The following CTNND1 variants were observed in gnomAD, a reference collection of about 807,000 sequenced individuals.
The protein encoded by CTNND1 is catenin delta-1.
A neutral mutation model predicts 112.1 loss-of-function variants in CTNND1; 16 were observed. That is an observed-to-expected ratio of 0.14 (90% CI 0.10 to 0.22). The LOEUF is 0.22. Ranked by LOEUF, CTNND1 falls within the 10% of genes least tolerant of loss-of-function variation. CTNND1 has a pLI of 1.00. For synonymous variants in CTNND1, 420 were observed against 446.5 expected, an observed-to-expected ratio of 0.94 and a Z score of 0.75; for missense variants, 1,008 against 1,257.0, an observed-to-expected ratio of 0.80 and a Z score of 3.00.
rs538862171 is a variant in CTNND1 at position 57,762,768 on chromosome 11, C to T, written c.-214+649C>T. Among the ~76,000 whole-genome samples, 5 of 152,296 alleles carry T rather than the reference C, an allele frequency of 3.3e-5. No homozygotes were observed. In the South Asian group the frequency reaches 8.3e-4, roughly 25 times the overall value. ...ACCATGTTAACTGAATTGCCATCTC[C>T]TTCTTCCTTCTAAACTACCTTTGAT... On this transcript the variant is annotated intron_variant, in intron 1 of 20. Transcript: ENST00000399050.
chr11:57,812,365 C>T (rs537245034), intron 17 of CTNND1, among the ~76,000 whole-genome samples: 1 of 152,110 alleles, frequency 6.6e-6, no homozygotes, highest in East Asian at 1.9e-4. Flanking sequence ...ACTAAAAATA[C>T]AAAAATTAGC....
In CTNND1 at chr11:57,790,529, C is replaced by T. The variant is rs116695324; in HGVS notation, c.-94-856C>T. Among the ~76,000 whole-genome samples the T allele has an allele frequency of 4.5e-3, 661 of 146,166 alleles. 11 individuals carry two copies. Among genetic ancestry groups the T allele is most frequent in the African/African-American group, 0.016 (628 of 39,368 alleles). ...GATTATAGGAGTACGCCACCACACC[C>T]GGCTAATTTTGTCTGTGTGTGTGTT... On this transcript the variant is annotated intron_variant, in intron 2 of 20. Transcript: ENST00000399050.
At chr11:57,789,298 GGA>G (rs1307094021) in intron 2 of CTNND1, 143 bp downstream of exon 2, 2 of 546,736 alleles carry the variant, frequency 3.7e-6, no homozygotes, top group Non-Finnish European at 6.2e-6. Context: ...TGGGAATTGG[GGA>G]GAATATTTAT....
chr11:57,808,251 T>G lies in CTNND1; in HGVS notation c.2050T>G (p.Ser684Ala). 6.2e-7 allele frequency: 1 copy of G among 1,613,960 alleles called. No homozygotes were observed. The highest frequency in any genetic ancestry group is 8.5e-7 in the Non-Finnish European group (1 of 1,179,810). ...ESKTPAILEA[S>A]AGAIQNLCAG... ...CAAGACTCCTGCCATCCTAGAAGCC[T>G]CAGCTGGAGCTATCCAGAACTTGTG... Residue 684 changes from serine (S) to alanine (A), a missense_variant, in exon 13 of 21, where the codon TCA (serine) becomes GCA (alanine). Physicochemically the swap from Ser to Ala is moderately conservative, Grantham distance 99. This residue lies in a region of CTNND1 where 254 missense variants were observed against 279.5 expected (regional missense o/e 0.91). Coordinates refer to ENST00000399050, the MANE Select transcript of CTNND1 (RefSeq NM_001085458.2).
chr11:57,808,601 G>A (rs77961989), intron 14 of CTNND1, 61 bp downstream of exon 14: 2 of 1,423,242 alleles, frequency 1.4e-6, no homozygotes, highest in Non-Finnish European at 1.9e-6. Context: ...AGTCCAGCAG[G>A]TGCCTAATAA....
rs149813159 is a variant in CTNND1, at chr11:57,804,421, A to C, written c.1605-242A>C. Among the ~76,000 whole-genome samples the C allele has an allele frequency of 4.2e-3, 645 of 152,334 alleles. 5 individuals are homozygous for C. Among genetic ancestry groups the C allele is most frequent in the African/African-American group, 0.015 (615 of 41,566 alleles). The stretch of plus-strand genomic sequence containing the variant: ...TTATATACTTCCATACGAGAAGTAT[A>C]TATTCCATCTTGAATTACTGCATCT... On this transcript the variant is annotated intron_variant, in intron 8 of 20. Coordinates refer to ENST00000399050, the MANE Select transcript of CTNND1 (RefSeq NM_001085458.2).
At chr11:57,783,158 T>G (rs2059758147) in intron 1 of CTNND1, among the ~76,000 whole-genome samples, 1 of 152,102 alleles carries the variant, frequency 6.6e-6, no homozygotes, top group Non-Finnish European at 1.5e-5. Flanking sequence ...TAGTGGCACA[T>G]GCCTATAGTC....
intron 7 of CTNND1, among the ~76,000 whole-genome samples, chr11:57,803,025 A>C (rs1164971175): frequency 2.0e-5 from 3 of 152,174 alleles, no homozygotes; most frequent in Admixed American, 2.0e-4. Context: ...ATAACAAAGA[A>C]TCATCTGGCC....
intron 4 of CTNND1, among the ~76,000 whole-genome samples, chr11:57,795,206 A>G (rs1324582255): frequency 2.0e-5 from 3 of 152,192 alleles, no homozygotes; most frequent in Admixed American, 2.0e-4. Flanking sequence ...GTAAATAAAT[A>G]CAAGTTATTT....
intron 1 of CTNND1, among the ~76,000 whole-genome samples, chr11:57,784,939 T>C (rs994449272): frequency 1.3e-5 from 2 of 152,218 alleles, no homozygotes; most frequent in African/African-American, 2.4e-5. Context: ...ACATAGGCTA[T>C]GGTTTTATAT....
intron 1 of CTNND1, among the ~76,000 whole-genome samples, chr11:57,766,432 GA>G (rs1951099020): frequency 6.6e-6 from 1 of 152,192 alleles, no homozygotes; most frequent in African/African-American, 2.4e-5. Context: ...TTTAAGAACC[GA>G]AATTAGTTTT....
At chr11:57,792,759 G>C (rs2060901941) in intron 3 of CTNND1, among the ~76,000 whole-genome samples, 1 of 151,650 alleles carries the variant, frequency 6.6e-6, no homozygotes, top group Non-Finnish European at 1.5e-5. Context: ...TCGATCTCTT[G>C]ACCTCGTGAT....
intron 6 of CTNND1, among the ~76,000 whole-genome samples, chr11:57,800,175 T>C (rs1019979131): frequency 6.6e-6 from 1 of 152,028 alleles, no homozygotes; most frequent in Non-Finnish European, 1.5e-5. Flanking sequence ...GCAAAAGTGA[T>C]ACATAATAGT....
rs2063086499 is a variant in CTNND1 at position 57,809,542 on chromosome 11, G to C, written c.2435+76G>C. ...GTTGTTTTCCTCTTTTGGTTACTAA[G>C]AAAGGAAATTTCCCCTTATTTACGT... On this transcript the variant is annotated intron_variant, in intron 15 of 20. Transcript: ENST00000399050. 11 of 1,340,404 alleles carry C rather than the reference G, an allele frequency of 8.2e-6. 1 individual carries two copies. In the South Asian group the frequency reaches 1.2e-4, roughly 15 times the overall value. The allele number at this position is 1,340,404 out of a possible 1,614,324, so 83.0% of individuals were successfully genotyped here.
intron 17 of CTNND1, 89 bp downstream of exon 17, chr11:57,811,575 G>A (rs2063358515): frequency 7.2e-6 from 6 of 833,100 alleles, no homozygotes; most frequent in Admixed American, 2.4e-5. Context: ...TATTATTTCT[G>A]AATTAGCTAG....
Position 57,791,662 on chromosome 11 carries a change from C to G in CTNND1, c.184C>G (p.Arg62Gly), listed in dbSNP as rs747333220. ...NPLMANGTLT[R>G]RHQNGRFVGD... ...ACTCATGGCCAACGGCACACTCACC[C>G]GCCGGCATCAGGTAACCCCTCTCTC... The change falls in exon 3 of 21, where the codon CGC (arginine) becomes GGC (glycine). Residue 62 changes from arginine to glycine, a missense_variant. Physicochemically the swap from Arg to Gly is moderately radical, Grantham distance 125. Around this residue, in one of 5 missense-constraint regions of CTNND1, gnomAD observed 404 missense variants for 457.9 expected, o/e 0.88. Coordinates refer to ENST00000399050, the MANE Select transcript of CTNND1 (RefSeq NM_001085458.2). 1 of 1,572,846 alleles carries G rather than the reference C, an allele frequency of 6.4e-7. No individual in the cohort carries two copies. The highest frequency in any genetic ancestry group is 2.3e-5 in the East Asian group (1 of 42,648).
At chr11:57,796,415 C>A in intron 5 of CTNND1, 42 bp from the exon 6 acceptor site, 1 of 1,507,288 alleles carries the variant, frequency 6.6e-7, no homozygotes, top group Non-Finnish European at 8.9e-7. Context: ...TAATTGCTCA[C>A]TTCCTTAATT....
chr11:57,810,048 G>A, intron 15 of CTNND1, 61 bp from the exon 16 acceptor site: 3 of 1,287,078 alleles, frequency 2.3e-6, no homozygotes, highest in South Asian at 1.3e-5. Context: ...GAGGATATAG[G>A]GTCTAAGCTT....
chr11:57,767,185 T>G (rs754000672), intron 1 of CTNND1, among the ~76,000 whole-genome samples: 9 of 152,168 alleles, frequency 5.9e-5, no homozygotes, highest in Non-Finnish European at 1.2e-4. Context: ...TTTGCCAGGT[T>G]GGTCTCAAAC....
Sources: allele counts gnomAD v4.1 joint callset (sites outside exome capture counted in the v4.1 genomes callset), GRCh38; gene constraint gnomAD v4.1.1; regional missense constraint gnomAD v4.1.1; transcripts MANE v1.5; gene names NCBI Gene and HGNC (gene_info 2026-07-23, HGNC 2026-07-21).